The following TMEM178B variants were observed in gnomAD, a reference collection of about 807,000 sequenced individuals.
The protein encoded by TMEM178B is transmembrane protein 178B.
Under a neutral mutation model 31.0 loss-of-function variants are expected in TMEM178B, and 5 were observed. The ratio of observed to expected loss-of-function variants is 0.16; its 90% CI spans 0.08 to 0.34. The LOEUF (loss-of-function observed/expected upper bound fraction) is 0.34, where lower values mean the gene tolerates loss of function less well. Among genes scored for constraint, TMEM178B ranks in the 10% least tolerant of loss-of-function variants. TMEM178B has a pLI of 1.00. For missense variants in TMEM178B, 275 were observed against 400.3 expected (o/e 0.69, Z 2.67); for synonymous variants, 164 against 164.0 (o/e 1.00, Z 0.00).
At chr7:141,111,490 C>T (rs985085268) in intron 1 of TMEM178B, among the ~76,000 whole-genome samples, 2 of 152,194 alleles carry the variant, frequency 1.3e-5, no homozygotes, top group African/African-American at 4.8e-5. Flanking sequence ...CATCTGCTAA[C>T]CTGTCCTTAT....
At chr7:141,312,783 G>A (rs1798935190) in intron 2 of TMEM178B, among the ~76,000 whole-genome samples, 1 of 152,200 alleles carries the variant, frequency 6.6e-6, no homozygotes, top group Admixed American at 6.5e-5. Flanking sequence ...GGTAAATGCA[G>A]TTTCTAAAGC....
At chr7:141,190,662 G>A (rs10270073) in intron 1 of TMEM178B, among the ~76,000 whole-genome samples, 101,552 of 151,954 alleles carry the variant, frequency 0.67, 34,343 homozygotes, top group Middle Eastern at 0.72. Context: ...TTGGTCGTAT[G>A]GGCACTTGAC....
intron 2 of TMEM178B, among the ~76,000 whole-genome samples, chr7:141,258,351 G>C (rs1261049818): frequency 6.6e-6 from 1 of 151,888 alleles, no homozygotes; most frequent in Non-Finnish European, 1.5e-5. Flanking sequence ...AAAAAAAATC[G>C]CAAAAAATTC....
chr7:141,313,804 T>G, intron 2 of TMEM178B, among the ~76,000 whole-genome samples: 1 of 124,692 alleles, frequency 8.0e-6, no homozygotes, highest in Non-Finnish European at 2.0e-5. Context: ...TTGCACTTTG[T>G]GCATTATTGA....
intron 3 of TMEM178B, among the ~76,000 whole-genome samples, chr7:141,449,571 A>G (rs1371957277): frequency 1.3e-5 from 2 of 152,232 alleles, no homozygotes; most frequent in East Asian, 3.9e-4. Flanking sequence ...GGACCAGACC[A>G]GACCAGACAC....
the TMEM178B span, among the ~76,000 whole-genome samples, chr7:141,505,690 T>C: frequency 6.6e-6 from 1 of 152,258 alleles, no homozygotes; most frequent in Non-Finnish European, 1.5e-5. Flanking sequence ...TTTCTTTCTC[T>C]ACTGGCTCTT....
intron 2 of TMEM178B, among the ~76,000 whole-genome samples, chr7:141,356,684 C>G (rs1335452489): frequency 6.6e-6 from 1 of 151,132 alleles, no homozygotes; most frequent in Non-Finnish European, 1.5e-5. Flanking sequence ...GATGAGCTGT[C>G]CAAGTTGCTG....
At position 141,344,840 on chromosome 7, in the gene TMEM178B, C is replaced by A. The variant is rs889005670; in HGVS notation, c.497-92768C>A. ...TGTCTGTTAACTGTGGCTCTGCCAC[C>A]GGCTGGCTGTGGAAGCTGTGGGAGT... On this transcript the variant is annotated intron_variant, in intron 2 of 3. Transcript: ENST00000565468. This position sits in a 1 kb window ranked among gnomAD's most constrained non-coding sequence, Gnocchi z 4.1. 6.6e-6 allele frequency among the ~76,000 whole-genome samples: 1 copy of A among 152,154 alleles called. No homozygotes were observed. Among genetic ancestry groups the A allele is most frequent in the Admixed American group, 6.6e-5 (1 of 15,262 alleles).
intron 2 of TMEM178B, among the ~76,000 whole-genome samples, chr7:141,343,047 G>C (rs1483643021): frequency 6.6e-6 from 1 of 152,172 alleles, no homozygotes; most frequent in African/African-American, 2.4e-5. Flanking sequence ...CCACCCCCAG[G>C]GTTTCTGATT....
At chr7:141,392,138 C>A (rs1800554726) in intron 2 of TMEM178B, among the ~76,000 whole-genome samples, 1 of 151,728 alleles carries the variant, frequency 6.6e-6, no homozygotes, top group Non-Finnish European at 1.5e-5. Flanking sequence ...AAGAAAAGTA[C>A]AATAAACAAT....
chr7:141,431,960 G>C (rs760894504), intron 2 of TMEM178B, among the ~76,000 whole-genome samples: 5 of 152,072 alleles, frequency 3.3e-5, no homozygotes, highest in Admixed American at 6.5e-5. Flanking sequence ...GAAGCAATCA[G>C]GACTTACTCA....
chr7:141,271,978 A>G (rs575785398), intron 2 of TMEM178B, among the ~76,000 whole-genome samples: 1 of 152,264 alleles, frequency 6.6e-6, no homozygotes, highest in East Asian at 1.9e-4. Flanking sequence ...GTCCTTGCAC[A>G]TATTGTCCCA....
chr7:141,280,539 G>T (rs1798339808), intron 2 of TMEM178B, among the ~76,000 whole-genome samples: 1 of 152,126 alleles, frequency 6.6e-6, no homozygotes. Context: ...CTTCCAGCAT[G>T]ATTGTGAGGC....
chr7:141,343,619 G>C (rs749124590), intron 2 of TMEM178B, among the ~76,000 whole-genome samples: 17 of 144,380 alleles, frequency 1.2e-4, no homozygotes, highest in Admixed American at 5.1e-4. Flanking sequence ...GTGCAATCTC[G>C]GCTCACTGCA....
chr7:141,182,625 G>A (rs139573506), intron 1 of TMEM178B, among the ~76,000 whole-genome samples: 4 of 152,228 alleles, frequency 2.6e-5, no homozygotes, highest in Non-Finnish European at 5.9e-5. Context: ...TTTTGATATG[G>A]CTTGGCTGTG....
chr7:141,506,691 T>C, the TMEM178B span, among the ~76,000 whole-genome samples: 1 of 152,144 alleles, frequency 6.6e-6, no homozygotes, highest in African/African-American at 2.4e-5. Flanking sequence ...TGTCCTCACA[T>C]TTCAAAACCA....
intron 2 of TMEM178B, among the ~76,000 whole-genome samples, chr7:141,217,756 T>G (rs6959814): frequency 0.39 from 59,760 of 151,728 alleles, 12,125 homozygotes; most frequent in East Asian, 0.71. Context: ...GTCAGATCCC[T>G]GAGACGCGGA....
At chr7:141,215,782 CTTTCTTTCTTTCTTTCTTTCTTTCTTT>C (rs1797124512) in intron 2 of TMEM178B, among the ~76,000 whole-genome samples, 1 of 41,298 alleles carries the variant, frequency 2.4e-5, no homozygotes, top group Admixed American at 2.2e-4. Context: ...ACTTTCCTTT[CTTTCTTTCTTTCTTTCTTTCTTTCTTT>C]CTTTCTTTCT....
intron 1 of TMEM178B, among the ~76,000 whole-genome samples, chr7:141,128,835 G>A (rs1795549019): frequency 6.6e-6 from 1 of 152,114 alleles, no homozygotes; most frequent in Non-Finnish European, 1.5e-5. Flanking sequence ...CTCCTCTGCT[G>A]TTGTCAGAAA....
Sources: allele counts gnomAD v4.1 joint callset (sites outside exome capture counted in the v4.1 genomes callset), GRCh38; gene constraint gnomAD v4.1.1; non-coding constraint Gnocchi (gnomAD v3.1); transcripts MANE v1.5; gene names NCBI Gene and HGNC (gene_info 2026-07-23, HGNC 2026-07-21).